Variants in HSD17B12 observed in about 807,000 individuals in gnomAD.
HSD17B12 encodes hydroxysteroid 17-beta dehydrogenase 12.
Under a neutral mutation model 39.3 loss-of-function variants are expected in HSD17B12, and 32 were observed. The observed-to-expected ratio is 0.81, with a 90% CI of 0.61 to 1.09. The LOEUF is 1.09. Ranked by LOEUF, HSD17B12 falls within the 50% of genes least tolerant of loss-of-function variation. The pLI is 0.00. For missense variants in HSD17B12, 342 were observed against 382.9 expected (o/e 0.89, Z 0.89); for synonymous variants, 150 against 146.7 (o/e 1.02, Z -0.16).
At chr11:43,562,860 A>G in the HSD17B12 span, among the ~76,000 whole-genome samples, 23 of 152,300 alleles carry the variant, frequency 1.5e-4, no homozygotes, top group African/African-American at 5.5e-4. Context: ...GAAGTTCCCA[A>G]CTTCAGGTAA....
the HSD17B12 span, among the ~76,000 whole-genome samples, chr11:43,599,382 A>G: frequency 6.6e-6 from 1 of 152,148 alleles, no homozygotes; most frequent in Admixed American, 6.6e-5. Context: ...TTTGAAGGTC[A>G]CACCCTTCTC....
At chr11:43,563,329 A>G in the HSD17B12 span, among the ~76,000 whole-genome samples, 1 of 152,196 alleles carries the variant, frequency 6.6e-6, no homozygotes, top group African/African-American at 2.4e-5. Context: ...TAGGACCCTT[A>G]CCAATCCTGG....
intron 1 of HSD17B12, among the ~76,000 whole-genome samples, chr11:43,704,326 A>AT (rs1333224456): frequency 6.6e-6 from 1 of 152,242 alleles, no homozygotes; most frequent in Middle Eastern, 3.2e-3. Flanking sequence ...TAGTTGATGG[A>AT]TTAGCCTGTT....
chr11:43,692,967 G>T (rs1590664672), intron 1 of HSD17B12, among the ~76,000 whole-genome samples: 1 of 152,154 alleles, frequency 6.6e-6, no homozygotes, highest in Non-Finnish European at 1.5e-5. Flanking sequence ...CACAAGTTTA[G>T]TCAGCCATTT....
At chr11:43,565,522 G>A in the HSD17B12 span, among the ~76,000 whole-genome samples, 1 of 152,186 alleles carries the variant, frequency 6.6e-6, no homozygotes, top group East Asian at 1.9e-4. Context: ...TACAATAAGG[G>A]TAGATGGAGT....
chr11:43,768,315 T>C (rs555491913), intron 3 of HSD17B12, among the ~76,000 whole-genome samples: 1 of 152,346 alleles, frequency 6.6e-6, no homozygotes, highest in South Asian at 2.1e-4. Flanking sequence ...ATTTAATTGA[T>C]ATATACAATA....
upstream of HSD17B12, chr11:43,680,522 G>C (rs548652970): frequency 3.0e-4 from 129 of 427,206 alleles, 2 homozygotes; most frequent in East Asian, 6.2e-3. Context: ...GCCAATGAGA[G>C]ACCGGGGCGC....
chr11:43,573,678 A>G, the HSD17B12 span, among the ~76,000 whole-genome samples: 2 of 152,232 alleles, frequency 1.3e-5, no homozygotes, highest in South Asian at 4.1e-4. Flanking sequence ...CACTATATAC[A>G]GCATAGAAAG....
At chr11:43,717,076 G>A (rs190693626) in intron 1 of HSD17B12, among the ~76,000 whole-genome samples, 1 of 152,196 alleles carries the variant, frequency 6.6e-6, no homozygotes. Context: ...AAGCATCCAA[G>A]TAACGATTTC....
chr11:43,804,698 C>T (rs570164008), intron 4 of HSD17B12, among the ~76,000 whole-genome samples: 23 of 152,008 alleles, frequency 1.5e-4, no homozygotes, highest in South Asian at 8.3e-4. Context: ...ATTTTTCTCC[C>T]GAAAACCTAG....
At position 43,797,414 on chromosome 11, in the gene HSD17B12, C is replaced by T. The variant is rs191048859; in HGVS notation, c.284-906C>T. On this transcript the variant is annotated intron_variant, in intron 3 of 10. Transcript: ENST00000278353. ...TCTAGCCTTTATGGACTGCCGTCTG[C>T]GTACCATAGGTATCATGTGAGCCTC... is the stretch of plus-strand genomic sequence containing the variant. Among the ~76,000 whole-genome samples the T allele has an allele frequency of 2.7e-3, 406 of 152,248 alleles. 6 individuals carry two copies. The highest frequency in any genetic ancestry group is 0.013 in the Admixed American group (199 of 15,294).
chr11:43,678,051 A>T (rs1433117411), upstream of HSD17B12, among the ~76,000 whole-genome samples: 1 of 152,230 alleles, frequency 6.6e-6, no homozygotes, highest in Non-Finnish European at 1.5e-5. Flanking sequence ...TCCCACCAAC[A>T]GTGTAAAAGT....
In HSD17B12 at chr11:43,697,496, A is replaced by G. The variant is rs577540077; in HGVS notation, c.160+16509A>G. Among the ~76,000 whole-genome samples the G allele has an allele frequency of 2.0e-5, 3 of 152,352 alleles. No individual in the cohort carries two copies. In the South Asian group the frequency reaches 6.2e-4, roughly 32 times the overall value. ...TAATGTAATAAGGTAGATCCTATTA[A>G]TATCTCTGTTTTAGTAAAAGAGAGC... On this transcript the variant is annotated intron_variant, in intron 1 of 10. Coordinates refer to ENST00000278353, the MANE Select transcript of HSD17B12 (RefSeq NM_016142.3).
chr11:43,588,389 T>C, the HSD17B12 span, among the ~76,000 whole-genome samples: 5 of 152,154 alleles, frequency 3.3e-5, no homozygotes. Flanking sequence ...AGTGTGTGAA[T>C]TTCTGCTTAA....
At chr11:43,760,048 C>T (rs1042225994) in intron 3 of HSD17B12, among the ~76,000 whole-genome samples, 4 of 152,062 alleles carry the variant, frequency 2.6e-5, no homozygotes, top group African/African-American at 9.7e-5. Flanking sequence ...AGGCACGTGC[C>T]ACCATGCCTG....
intron 1 of HSD17B12, among the ~76,000 whole-genome samples, chr11:43,687,735 G>A (rs1262415601): frequency 1.3e-5 from 2 of 152,224 alleles, no homozygotes; most frequent in Non-Finnish European, 2.9e-5. Context: ...TCCTGGAGCA[G>A]TGGAAAGCAG....
At chr11:43,640,279 GGA>G in the HSD17B12 span, among the ~76,000 whole-genome samples, 6 of 151,928 alleles carry the variant, frequency 3.9e-5, no homozygotes, top group African/African-American at 1.2e-4. Context: ...GGGAATGAAG[GGA>G]ATATGTAAGA....
the HSD17B12 span, among the ~76,000 whole-genome samples, chr11:43,607,455 A>G: frequency 6.6e-6 from 1 of 152,134 alleles, no homozygotes; most frequent in African/African-American, 2.4e-5. Context: ...CTGATTCAGA[A>G]CCCATGTGCT....
the HSD17B12 span, among the ~76,000 whole-genome samples, chr11:43,617,898 T>C: frequency 6.6e-6 from 1 of 152,226 alleles, no homozygotes; most frequent in Non-Finnish European, 1.5e-5. Flanking sequence ...AAGTATCTTT[T>C]TACGTGGACT....
Sources: gnomAD v4.1 joint callset for allele counts (sites outside exome capture counted in the v4.1 genomes callset) on GRCh38, gnomAD v4.1.1 for gene constraint, MANE v1.5 for transcripts, NCBI Gene and HGNC (gene_info 2026-07-23, HGNC 2026-07-21) for gene names.